Variants in DMD observed in about 807,000 individuals in gnomAD.
The protein encoded by DMD is dystrophin.
Under a neutral mutation model 330.1 loss-of-function variants are expected in DMD, and 63 were observed. The ratio of observed to expected loss-of-function variants is 0.19; its 90% CI spans 0.16 to 0.24. The LOEUF (loss-of-function observed/expected upper bound fraction) is 0.24. Ranked by LOEUF, DMD falls within the 10% of genes least tolerant of loss-of-function variation. DMD has a pLI of 1.00. For synonymous variants in DMD, 1,223 were observed against 959.8 expected, an observed-to-expected ratio of 1.27 and a Z score of -5.07; for missense variants, 3,344 against 2,684.1, an observed-to-expected ratio of 1.25 and a Z score of -5.43.
chrX:32,016,124 T>G, intron 44 of DMD, among the ~76,000 whole-genome samples: 1 of 112,084 alleles, frequency 8.9e-6, no homozygotes, highest in East Asian at 2.8e-4. Flanking sequence ...TTAAATGACC[T>G]TCTGTTATGC....
intron 2 of DMD, among the ~76,000 whole-genome samples, chrX:32,968,152 A>G (rs754859845): frequency 6.6e-4 from 74 of 112,059 alleles, no homozygotes; most frequent in African/African-American, 2.0e-3. Flanking sequence ...GACTGTGTGC[A>G]TTGCTGCTAA....
At chrX:31,887,661 T>C (rs2094175369) in intron 47 of DMD, among the ~76,000 whole-genome samples, 1 of 112,117 alleles carries the variant, frequency 8.9e-6, no homozygotes, top group Non-Finnish European at 1.9e-5. Flanking sequence ...AATGATTCTA[T>C]CTAATAAACT....
At chrX:32,369,245 A>G (rs916549871) in intron 34 of DMD, among the ~76,000 whole-genome samples, 1 of 111,717 alleles carries the variant, frequency 9.0e-6, no homozygotes, top group African/African-American at 3.2e-5. Context: ...TCTTAGCCAT[A>G]ATTTGTAAAT....
intron 50 of DMD, among the ~76,000 whole-genome samples, chrX:31,806,286 A>G (rs1005703782): frequency 3.6e-5 from 4 of 111,511 alleles, no homozygotes; most frequent in African/African-American, 1.3e-4. Context: ...ATGTATTATG[A>G]TTTGGTGAAT....
chrX:31,754,722 C>A (rs2088906846), intron 51 of DMD, among the ~76,000 whole-genome samples: 2 of 111,649 alleles, frequency 1.8e-5, no homozygotes, highest in South Asian at 3.7e-4. Flanking sequence ...ATATTGATAT[C>A]TTTGTTATTG....
intron 1 of DMD, among the ~76,000 whole-genome samples, chrX:33,091,374 T>C (rs918640849): frequency 1.8e-5 from 2 of 111,696 alleles, no homozygotes; most frequent in Non-Finnish European, 1.9e-5. Context: ...ATGAATGGCT[T>C]ATGAATGGAT....
chrX:33,183,996 A>G (rs762519022), intron 1 of DMD, among the ~76,000 whole-genome samples: 5 of 111,798 alleles, frequency 4.5e-5, no homozygotes, highest in African/African-American at 1.6e-4. Context: ...CAAAGAAGGA[A>G]AACACAGATT....
chrX:32,545,480 A>G, intron 16 of DMD, 146 bp from the exon 17 acceptor site: 2 of 561,589 alleles, frequency 3.6e-6, no homozygotes, highest in Non-Finnish European at 5.7e-6. Flanking sequence ...TATTGAAGCC[A>G]AATAAAATTG....
At position 32,828,827 on chromosome X, in the gene DMD, T is replaced by C. The variant is rs181033171; in HGVS notation, c.265-5440A>G. On this transcript the variant is annotated intron_variant, in intron 4 of 78. Transcript: ENST00000357033. ...TTTGATTCTTTTAGTTTTGTTTGTATGATCAAATACATCACTTTGTTAACT... is the reference window on the plus strand; with the variant it reads ...TTTGATTCTTTTAGTTTTGTTTGTACGATCAAATACATCACTTTGTTAACT... Among the ~76,000 whole-genome samples, 39 of 111,695 alleles carry C rather than the reference T, an allele frequency of 3.5e-4. No individual in the cohort carries two copies. The East Asian group carries it at 8.7e-3, about 25-fold the overall frequency.
At chrX:32,998,112 G>T (rs1230626779) in intron 2 of DMD, among the ~76,000 whole-genome samples, 1 of 110,135 alleles carries the variant, frequency 9.1e-6, no homozygotes, top group African/African-American at 3.3e-5. Flanking sequence ...TGTAATCCCA[G>T]CTCTTTGGGA....
At chrX:32,728,859 C>T (rs1254234822) in intron 7 of DMD, among the ~76,000 whole-genome samples, 3 of 111,788 alleles carry the variant, frequency 2.7e-5, no homozygotes, top group Admixed American at 9.5e-5. Context: ...CTGACGTTGG[C>T]CATAGCCACT....
chrX:31,479,279 TG>T (rs2068060219), intron 57 of DMD, among the ~76,000 whole-genome samples, 176 bp from the exon 58 acceptor site: 1 of 111,906 alleles, frequency 8.9e-6, no homozygotes, highest in African/African-American at 3.2e-5. Context: ...TATCTGTTAA[TG>T]AGGAAAGCGC....
chrX:32,210,891 T>C (rs16990166), intron 44 of DMD, among the ~76,000 whole-genome samples: 6,648 of 111,568 alleles, frequency 0.06, 390 homozygotes, highest in African/African-American at 0.18. Context: ...GGTCTTTTCA[T>C]GGACTCGCTT....
At chrX:32,884,478 A>T (rs2084329323) in intron 2 of DMD, among the ~76,000 whole-genome samples, 1 of 112,015 alleles carries the variant, frequency 8.9e-6, no homozygotes, top group Non-Finnish European at 1.9e-5. Flanking sequence ...TCACCAAAAA[A>T]TTCAGGAAGG....
chrX:31,502,154 C>G (rs2070465614), intron 56 of DMD, among the ~76,000 whole-genome samples: 1 of 111,521 alleles, frequency 9.0e-6, no homozygotes, highest in Non-Finnish European at 1.9e-5. Context: ...AGACCTCAAA[C>G]CATGAAACTA....
At chrX:32,058,072 C>A (rs189178109) in intron 44 of DMD, among the ~76,000 whole-genome samples, 2 of 111,095 alleles carry the variant, frequency 1.8e-5, no homozygotes, top group East Asian at 5.7e-4. Context: ...ACATAAAAAT[C>A]AACTCAAAAT....
chrX:32,147,940 C>T (rs1170046017), intron 44 of DMD, among the ~76,000 whole-genome samples: 3 of 102,522 alleles, frequency 2.9e-5, no homozygotes, highest in African/African-American at 7.2e-5. Flanking sequence ...TGCAGTGGCG[C>T]GATCTCGGCT....
intron 1 of DMD, among the ~76,000 whole-genome samples, chrX:33,147,699 CTT>C (rs2048098542): frequency 9.0e-6 from 1 of 111,248 alleles, no homozygotes; most frequent in Non-Finnish European, 1.9e-5. Flanking sequence ...GTAATTATCT[CTT>C]AACACCTCAC....
intron 55 of DMD, among the ~76,000 whole-genome samples, chrX:31,601,843 A>G (rs1394299644): frequency 1.8e-5 from 2 of 111,278 alleles, no homozygotes; most frequent in African/African-American, 6.5e-5. Context: ...CAAAAATCAT[A>G]TCGGTTTCTT....
Sources: allele counts gnomAD v4.1 joint callset (sites outside exome capture counted in the v4.1 genomes callset), GRCh38; gene constraint gnomAD v4.1.1; transcripts MANE v1.5; gene names NCBI Gene and HGNC (gene_info 2026-07-23, HGNC 2026-07-21).